Variants in CCDC171 observed in about 807,000 individuals in gnomAD.
The protein encoded by CCDC171 is coiled-coil domain containing 171.
A neutral mutation model predicts 168.2 loss-of-function variants in CCDC171; 177 were observed. That is an observed-to-expected ratio of 1.05 (90% confidence interval 0.93 to 1.19). The LOEUF (loss-of-function observed/expected upper bound fraction) is 1.19, where lower values mean the gene tolerates loss of function less well. CCDC171 is among the 50% of genes most tolerant of loss of function. CCDC171 has a pLI of 0.00. For synonymous variants in CCDC171, 687 were observed against 540.8 expected, an observed-to-expected ratio of 1.27 and a Z score of -3.75; for missense variants, 1,991 against 1,539.0, an observed-to-expected ratio of 1.29 and a Z score of -4.91.
chr9:16,054,259 C>T (rs1264621094), intron 1 of CCDC171, among the ~76,000 whole-genome samples: 2 of 152,168 alleles, frequency 1.3e-5, no homozygotes, highest in Non-Finnish European at 2.9e-5. Flanking sequence ...CCTCAAGGAA[C>T]CCTCTAATTA....
intron 21 of CCDC171, among the ~76,000 whole-genome samples, chr9:15,801,368 T>C (rs1467850134): frequency 6.6e-6 from 1 of 152,054 alleles, no homozygotes; most frequent in African/African-American, 2.4e-5. Flanking sequence ...TTATTTTATT[T>C]ATGGCTATGG....
chr9:15,945,908 C>G (rs10810491), intron 25 of CCDC171, among the ~76,000 whole-genome samples: 43,760 of 143,652 alleles, frequency 0.3, 8,494 homozygotes, highest in East Asian at 0.6. Context: ...GTCAATTTTG[C>G]CTTTGGTTGC....
At chr9:15,621,216 C>T (rs1051536322) in intron 6 of CCDC171, among the ~76,000 whole-genome samples, 1 of 152,202 alleles carries the variant, frequency 6.6e-6, no homozygotes, top group African/African-American at 2.4e-5. Context: ...ATCCATCTGC[C>T]TTGGCCTCCC....
chr9:15,553,886 G>T (rs957189020), intron 1 of CCDC171, among the ~76,000 whole-genome samples: 29 of 151,172 alleles, frequency 1.9e-4, no homozygotes, highest in African/African-American at 6.3e-4. Flanking sequence ...CATATTTCAT[G>T]TATACATTTT....
chr9:15,610,444 TAAAAA>T (rs754593075), intron 6 of CCDC171, among the ~76,000 whole-genome samples: 103 of 12,716 alleles, frequency 8.1e-3, no homozygotes, highest in Admixed American at 0.024. Flanking sequence ...CCATCTCAAC[TAAAAA>T]AAAAAAAAAA....
intron 7 of CCDC171, among the ~76,000 whole-genome samples, chr9:15,644,110 T>C (rs574705866): frequency 4.6e-5 from 7 of 152,358 alleles, no homozygotes; most frequent in African/African-American, 1.7e-4. Flanking sequence ...CTGGGTCATA[T>C]GGTAACTCTA....
chr9:15,985,002 G>A (rs1464239468), intron 3 of CCDC171, among the ~76,000 whole-genome samples: 1 of 152,022 alleles, frequency 6.6e-6, no homozygotes, highest in Non-Finnish European at 1.5e-5. Context: ...ACATATATGA[G>A]AGAAAAGGCA....
chr9:15,909,819 G>T lies in CCDC171; in HGVS notation c.3601-10451G>T, dbSNP rs564924737. Among the ~76,000 whole-genome samples the T allele has an allele frequency of 9.6e-4, 146 of 152,054 alleles. 2 individuals are homozygous for T. In the South Asian group the frequency reaches 0.028, roughly 30 times the overall value. Reference sequence around the variant, plus strand: ...CAATGAAGACACATTTTTTTCTAATGGTGGTCTTTTTATTTTTATTTTTAC... The same window carrying T: ...CAATGAAGACACATTTTTTTCTAATTGTGGTCTTTTTATTTTTATTTTTAC... On this transcript the variant is annotated intron_variant, in intron 24 of 25. Coordinates refer to ENST00000380701, the MANE Select transcript of CCDC171 (RefSeq NM_173550.4).
chr9:15,625,903 T>C (rs1192302683), intron 7 of CCDC171, among the ~76,000 whole-genome samples: 3 of 152,198 alleles, frequency 2.0e-5, no homozygotes, highest in South Asian at 2.1e-4. Context: ...ATAAATTACC[T>C]TGGGGAGTAT....
At chr9:15,998,647 G>A (rs1328271) in intron 3 of CCDC171, among the ~76,000 whole-genome samples, 55,537 of 151,984 alleles carry the variant, frequency 0.37, 10,478 homozygotes, top group Non-Finnish European at 0.43. Context: ...CTTCAGAAGC[G>A]GTAGTAACTA....
chr9:15,647,134 C>G (rs2047106579), intron 7 of CCDC171, among the ~76,000 whole-genome samples: 1 of 152,250 alleles, frequency 6.6e-6, no homozygotes, highest in East Asian at 1.9e-4. Flanking sequence ...AGCTGAACAA[C>G]CTGCTCCTGA....
chr9:15,827,004 C>T (rs549621787), intron 21 of CCDC171, among the ~76,000 whole-genome samples: 1 of 152,190 alleles, frequency 6.6e-6, no homozygotes, highest in East Asian at 1.9e-4. Flanking sequence ...ACTAGGAGCT[C>T]TTTGTATATA....
chr9:15,975,229 G>A (rs1831584247), downstream of CCDC171, among the ~76,000 whole-genome samples: 1 of 152,090 alleles, frequency 6.6e-6, no homozygotes, highest in African/African-American at 2.4e-5. Flanking sequence ...GAATAACTGA[G>A]GATCAAAAAT....
At chr9:15,952,894 A>T (rs1421464166) in intron 25 of CCDC171, among the ~76,000 whole-genome samples, 1 of 151,472 alleles carries the variant, frequency 6.6e-6, no homozygotes, top group African/African-American at 2.4e-5. Flanking sequence ...AAATGTTTCC[A>T]CCTCCTTGGT....
chr9:15,904,967 G>A (rs1822314343), intron 24 of CCDC171, among the ~76,000 whole-genome samples: 1 of 152,022 alleles, frequency 6.6e-6, no homozygotes, highest in African/African-American at 2.4e-5. Context: ...AACAAGAAGA[G>A]CTAACTATCC....
At chr9:15,585,840 G>A (rs188734743) in intron 4 of CCDC171, among the ~76,000 whole-genome samples, 1 of 152,058 alleles carries the variant, frequency 6.6e-6, no homozygotes, top group Admixed American at 6.6e-5. Context: ...GCCAGGCATG[G>A]TAGTGCACGC....
chr9:15,895,033 A>C (rs1177293572), intron 24 of CCDC171, among the ~76,000 whole-genome samples: 2 of 152,068 alleles, frequency 1.3e-5, no homozygotes, highest in Non-Finnish European at 2.9e-5. Context: ...ACTGCATGCA[A>C]ATTAAGGAAA....
intron 11 of CCDC171, among the ~76,000 whole-genome samples, chr9:15,700,766 G>A (rs1280782338): frequency 6.6e-6 from 1 of 151,976 alleles, no homozygotes; most frequent in Non-Finnish European, 1.5e-5. Context: ...GACTGCAGGT[G>A]CATGCCACCA....
rs763091602 is a variant in CCDC171, at chr9:15,784,467, G to T, written c.3082-42G>T. 4 of 1,360,098 alleles carry T rather than the reference G, an allele frequency of 2.9e-6. No individual in the cohort carries two copies. In the Admixed American group the frequency reaches 5.4e-5, roughly 18 times the overall value. 84.3% of individuals were successfully genotyped at this position (1,360,098 alleles called of 1,614,324 possible). A position where few individuals can be genotyped will look rare whatever the true frequency, so the allele number is the denominator to read the frequency against. ...GAAGGTGAAATGATACAACAATGCA[G>T]TTAGCTTTATAACTGATTCTCCCCT... On this transcript the variant is annotated intron_variant, in intron 20 of 25. Coordinates refer to ENST00000380701, the MANE Select transcript of CCDC171 (RefSeq NM_173550.4).
Sources: allele counts gnomAD v4.1 joint callset (sites outside exome capture counted in the v4.1 genomes callset), GRCh38; gene constraint gnomAD v4.1.1; transcripts MANE v1.5; gene names NCBI Gene and HGNC (gene_info 2026-07-23, HGNC 2026-07-21).